ATXN7L3: variants seen among roughly 807,000 people sequenced by gnomAD.
The protein encoded by ATXN7L3 is ataxin 7 like 3, also known as ataxin-7-like protein 3.
ATXN7L3 carries 6 observed loss-of-function variants against 50.0 expected under a neutral mutation model. The ratio of observed to expected loss-of-function variants is 0.12; its 90% CI spans 0.07 to 0.24. The LOEUF (loss-of-function observed/expected upper bound fraction) is 0.24. Ranked by LOEUF, ATXN7L3 falls within the 10% of genes least tolerant of loss-of-function variation. The pLI is 1.00. For missense variants in ATXN7L3, 322 were observed against 451.3 expected, an observed-to-expected ratio of 0.71 and a Z score of 2.60; for synonymous variants, 198 against 165.8, an observed-to-expected ratio of 1.19 and a Z score of -1.49.
chr17:44,195,284 C>G (rs140688405), intron 9 of ATXN7L3, 135 bp downstream of exon 9: 3 of 1,348,308 alleles, frequency 2.2e-6, no homozygotes, highest in Non-Finnish European at 3.2e-6. Flanking sequence ...CACTATGGGC[C>G]GGGAAACCTA....
intron 7 of ATXN7L3, 88 bp downstream of exon 7, chr17:44,195,946 C>T (rs1250788714): frequency 2.4e-5 from 38 of 1,563,304 alleles, no homozygotes; most frequent in Non-Finnish European, 3.2e-5. Flanking sequence ...CCCTCAATTC[C>T]CCTATCCCCG....
chr17:44,199,188 G>C (rs1210703900), intron 1 of ATXN7L3: 1 of 151,550 alleles, frequency 6.6e-6, no homozygotes, highest in East Asian at 2.0e-4. Flanking sequence ...GGCCGGCCGG[G>C]GAGAGGAGTC....
intron 8 of ATXN7L3, 49 bp from the exon 9 acceptor site, chr17:44,195,536 A>G (rs1355622880): frequency 1.3e-6 from 2 of 1,557,134 alleles, no homozygotes; most frequent in South Asian, 2.2e-5. Flanking sequence ...GAGAAAAGAG[A>G]AGGACAGGGG....
chr17:44,198,802 T>C (rs2056023954), intron 1 of ATXN7L3: 1 of 152,354 alleles, frequency 6.6e-6, no homozygotes, highest in Non-Finnish European at 1.5e-5. Context: ...CCCTTACCTG[T>C]TCTTCCTTTA....
chr17:44,196,475 C>T (rs371131358), intron 5 of ATXN7L3, 57 bp from the exon 6 acceptor site: 130 of 1,609,998 alleles, frequency 8.1e-5, no homozygotes, highest in Admixed American at 2.0e-4. Context: ...AATCTAAAAG[C>T]ATCTCAAGAA....
rs1488980720 is a variant in ATXN7L3, at chr17:44,196,993, C to T, written c.390G>A (p.Glu130=). ...TGTCATCATTATCTTCTTGGTCACT[C>T]TCAGACTTATTCATATTGTTGCTAT... ...IANSNNMNKS[E]SDQEDNDDIN... Residue 130 remains glutamate (E), a synonymous_variant, in exon 5 of 13, where the codon GAG becomes GAA. Coordinates refer to ENST00000587097, the MANE Select transcript of ATXN7L3 (RefSeq NM_001382309.1). 4.3e-6 allele frequency: 7 copies of T among 1,613,508 alleles called. No individual in the cohort carries two copies. Among genetic ancestry groups the T allele is most frequent in the Non-Finnish European group, 5.9e-6 (7 of 1,179,768 alleles).
Position 44,198,032 on chromosome 17 carries a change from G to A in ATXN7L3, c.39C>T (p.Asn13=), listed in dbSNP as rs762916096. The A allele has an allele frequency of 1.1e-5, 18 of 1,614,014 alleles. 1 individual carries two copies. The highest frequency in any genetic ancestry group is 1.0e-4 in the Admixed American group (6 of 59,984). Residue 13 remains asparagine (N), a synonymous_variant, in exon 2 of 13, where the codon AAC becomes AAT. Coordinates refer to ENST00000587097, the MANE Select transcript of ATXN7L3 (RefSeq NM_001382309.1). ...MEEMSLSGLD[N]SKLEAIAQEI... is the part of the protein sequence containing the mutation. ...GGGGAGCCCTCACCTCTAGTTTGCT[G>A]TTATCCAGGCCAGACAAAGACATTT... is the stretch of plus-strand genomic sequence containing the variant.
intron 6 of ATXN7L3, 118 bp downstream of exon 6, chr17:44,196,265 GACCCACCAAAGAC>G: frequency 2.4e-6 from 1 of 419,244 alleles, no homozygotes; most frequent in Non-Finnish European, 3.9e-6. Context: ...CCCCGCCCCG[GACCCACCAAAGAC>G]ACCCTCAAGC....
Position 44,198,039 on chromosome 17 carries a change from A to G in ATXN7L3, c.32T>C (p.Leu11Pro), listed in dbSNP as rs764109313. The G allele has an allele frequency of 5.0e-6, 8 of 1,614,194 alleles. No individual in the cohort carries two copies. Among genetic ancestry groups the G allele is most frequent in the Non-Finnish European group, 6.8e-6 (8 of 1,180,006 alleles). The change falls in exon 2 of 13, where the codon CTG becomes CCG. Residue 11 changes from leucine (L) to proline (P), a missense_variant. Leu to Pro is a moderately conservative substitution (Grantham distance 98). Transcript: ENST00000587097. MKMEEMSLSGLDNSKLEAIAQ... is the reference protein window; with the variant it reads MKMEEMSLSGPDNSKLEAIAQ... ...CCTCACCTCTAGTTTGCTGTTATCC[A>G]GGCCAGACAAAGACATTTCCTCCAT...
At chr17:44,196,201 A>AGG in intron 6 of ATXN7L3, 122 bp from the exon 7 acceptor site, 1 of 1,299,314 alleles carries the variant, frequency 7.7e-7, no homozygotes, top group East Asian at 2.3e-5. Context: ...CCTCCCCAGT[A>AGG]GGAGGCCTGT....
At position 44,191,926 on chromosome 17, in the gene ATXN7L3, A is replaced by C; in HGVS notation, c.*2337T>G. The C allele has an allele frequency of 5.5e-6, 1 of 181,624 alleles. No individual in the cohort carries two copies. Among genetic ancestry groups the C allele is most frequent in the Non-Finnish European group, 1.1e-5 (1 of 94,692 alleles). The allele number at this position is 181,624 out of a possible 1,614,324, so 11.3% of individuals were successfully genotyped here. A position where few individuals can be genotyped will look rare whatever the true frequency, so the allele number is the denominator to read the frequency against. On this transcript the variant is annotated 3_prime_UTR_variant, in exon 13 of 13. Transcript: ENST00000587097. The stretch of plus-strand genomic sequence containing the variant: ...CATATGCAAAAATAAAAATCTCAAG[A>C]CCACAGGACAGCGTGAGCCCCACCC...
intron 1 of ATXN7L3, among the ~76,000 whole-genome samples, chr17:44,198,693 G>A (rs936968565): frequency 2.0e-5 from 3 of 151,534 alleles, no homozygotes; most frequent in Non-Finnish European, 4.4e-5. Context: ...GAGCCCACAG[G>A]AGCCTAGAGC....
chr17:44,195,533 G>A (rs369795586), intron 8 of ATXN7L3, 46 bp from the exon 9 acceptor site: 13 of 1,561,548 alleles, frequency 8.3e-6, no homozygotes, highest in East Asian at 2.2e-5. Context: ...GCAGAGAAAA[G>A]AGAAGGACAG....
chr17:44,197,816 A>G, intron 2 of ATXN7L3, 86 bp from the exon 3 acceptor site: 2 of 1,587,716 alleles, frequency 1.3e-6, no homozygotes, highest in South Asian at 1.1e-5. Flanking sequence ...AACTGGCCCC[A>G]GCCAAAAATC....
At chr17:44,195,877 C>G (rs776799666) in intron 7 of ATXN7L3, 49 bp from the exon 8 acceptor site, 2 of 1,590,760 alleles carry the variant, frequency 1.3e-6, no homozygotes, top group Middle Eastern at 1.7e-4. Flanking sequence ...GAGGTACAGA[C>G]AGAGAACCCT....
rs1331864314 is a variant in ATXN7L3 at position 44,194,531 on chromosome 17, T to G, written c.881A>C (p.Gln294Pro). ...DSGSSKTSEN[Q>P]GWGLGTNSSE... ...GCATCACGTACCTAGACCCCATCCC[T>G]GATTTTCACTCGTCTTGGAGGAGCC... The change falls in exon 12 of 13, where the codon CAG (glutamine) becomes CCG (proline). Residue 294 changes from glutamine to proline, a missense_variant. Gln to Pro is a moderately conservative substitution (Grantham distance 76). Coordinates refer to ENST00000587097, the MANE Select transcript of ATXN7L3 (RefSeq NM_001382309.1). 6.2e-7 allele frequency: 1 copy of G among 1,613,600 alleles called. No homozygotes were observed. The highest frequency in any genetic ancestry group is 2.2e-5 in the East Asian group (1 of 44,878).
chr17:44,194,941 CA>C (rs2055829300), intron 10 of ATXN7L3, 102 bp from the exon 11 acceptor site: 2 of 1,477,004 alleles, frequency 1.4e-6, no homozygotes, highest in African/African-American at 2.8e-5. Context: ...GGGGTGAATG[CA>C]GATTCATCCC....
chr17:44,197,987 A>G, intron 2 of ATXN7L3, 33 bp downstream of exon 2: 4 of 1,606,796 alleles, frequency 2.5e-6, no homozygotes, highest in Non-Finnish European at 3.4e-6. Context: ...CATCAAGAGA[A>G]AGAACTGGAG....
chr17:44,195,971 C>T, intron 7 of ATXN7L3, 63 bp downstream of exon 7: 2 of 1,574,734 alleles, frequency 1.3e-6, no homozygotes, highest in Non-Finnish European at 1.7e-6. Flanking sequence ...CCACCTCCAC[C>T]CCCCGGCAAT....
Sources: allele counts gnomAD v4.1 joint callset (sites outside exome capture counted in the v4.1 genomes callset), GRCh38; gene constraint gnomAD v4.1.1; transcripts MANE v1.5; gene names NCBI Gene and HGNC (gene_info 2026-07-23, HGNC 2026-07-21).